The following SAMD12 variants were observed in gnomAD, a reference collection of about 807,000 sequenced individuals.
SAMD12 encodes sterile alpha motif domain containing 12.
In SAMD12, 9 loss-of-function variants were observed where a neutral mutation model predicts 15.0. The observed-to-expected ratio is 0.60, with a 90% CI of 0.36 to 1.05. The LOEUF is 1.05. Among genes scored for constraint, SAMD12 ranks in the 50% least tolerant of loss-of-function variants. The probability of loss-of-function intolerance (pLI) is 0.01; values close to 1 mark genes in which losing one functional copy is unlikely to be tolerated. For missense variants in SAMD12, 230 were observed against 234.2 expected, an observed-to-expected ratio of 0.98 and a Z score of 0.12; for synonymous variants, 86 against 90.1, an observed-to-expected ratio of 0.96 and a Z score of 0.25.
At chr8:118,250,664 T>A (rs528953516) in intron 4 of SAMD12, among the ~76,000 whole-genome samples, 2 of 152,038 alleles carry the variant, frequency 1.3e-5, no homozygotes, top group African/African-American at 4.8e-5. Flanking sequence ...TGGCTAAATT[T>A]TTTATTTATT....
chr8:118,527,890 CACTG>C (rs1314934923), intron 2 of SAMD12, among the ~76,000 whole-genome samples: 6 of 152,318 alleles, frequency 3.9e-5, no homozygotes, highest in African/African-American at 1.4e-4. Context: ...ATTTTCCTGA[CACTG>C]ACTGGTATAT....
chr8:118,201,021 C>T (rs895686567), intron 4 of SAMD12, among the ~76,000 whole-genome samples: 1 of 152,194 alleles, frequency 6.6e-6, no homozygotes, highest in Non-Finnish European at 1.5e-5. Flanking sequence ...ATCTTTCTAT[C>T]AATCACATCT....
intron 2 of SAMD12, among the ~76,000 whole-genome samples, chr8:118,472,886 G>GAAA (rs35896929): frequency 2.1e-4 from 31 of 147,270 alleles, no homozygotes; most frequent in African/African-American, 5.0e-4. Flanking sequence ...ATTTTGACAG[G>GAAA]AAAAAAAAAA....
chr8:118,416,658 G>A (rs189876153), intron 3 of SAMD12, among the ~76,000 whole-genome samples: 4 of 152,254 alleles, frequency 2.6e-5, no homozygotes, highest in South Asian at 2.1e-4. Context: ...TATTACTCAC[G>A]ATAACCAGCA....
chr8:118,214,292 T>C (rs1811904940), intron 4 of SAMD12, among the ~76,000 whole-genome samples: 1 of 152,244 alleles, frequency 6.6e-6, no homozygotes, highest in South Asian at 2.1e-4. Context: ...TTAACTACAA[T>C]GTCACTTTAG....
intron 2 of SAMD12, among the ~76,000 whole-genome samples, chr8:118,470,345 AG>A (rs1277338348): frequency 1.3e-5 from 2 of 151,758 alleles, no homozygotes; most frequent in Non-Finnish European, 1.5e-5. Flanking sequence ...TGGGTGGCTT[AG>A]GTATTAGGTT....
At chr8:118,213,512 G>T (rs1811887869) in intron 4 of SAMD12, among the ~76,000 whole-genome samples, 1 of 152,176 alleles carries the variant, frequency 6.6e-6, no homozygotes, top group African/African-American at 2.4e-5. Context: ...TCTTGGATGT[G>T]GATCCTCAGT....
intron 4 of SAMD12, among the ~76,000 whole-genome samples, chr8:118,210,257 G>A (rs947170762): frequency 2.6e-5 from 4 of 152,224 alleles, no homozygotes; most frequent in Non-Finnish European, 4.4e-5. Flanking sequence ...CAGCTTTGAA[G>A]TTGATATGAT....
At chr8:118,480,360 C>T (rs1489674490) in intron 2 of SAMD12, among the ~76,000 whole-genome samples, 3 of 152,196 alleles carry the variant, frequency 2.0e-5, no homozygotes, top group Non-Finnish European at 4.4e-5. Context: ...CCTGTACTAC[C>T]ATATCTCACA....
chr8:118,455,221 T>G (rs1165436653), intron 2 of SAMD12, among the ~76,000 whole-genome samples: 1 of 151,892 alleles, frequency 6.6e-6, no homozygotes, highest in Non-Finnish European at 1.5e-5. Context: ...TCTGACACAA[T>G]GGAACACACT....
At chr8:118,551,588 T>C (rs933435534) in intron 2 of SAMD12, among the ~76,000 whole-genome samples, 16 of 151,874 alleles carry the variant, frequency 1.1e-4, no homozygotes, top group African/African-American at 2.9e-4. Flanking sequence ...AGATCCAAAA[T>C]TGACACCCTA....
chr8:118,393,082 G>T (rs1820369635), intron 3 of SAMD12, among the ~76,000 whole-genome samples: 1 of 152,112 alleles, frequency 6.6e-6, no homozygotes, highest in Non-Finnish European at 1.5e-5. Flanking sequence ...TATATGTCAG[G>T]CTCTTTTCTA....
At chr8:118,362,653 G>C (rs1818566641) in intron 4 of SAMD12, among the ~76,000 whole-genome samples, 1 of 152,026 alleles carries the variant, frequency 6.6e-6, no homozygotes, top group Admixed American at 6.6e-5. Flanking sequence ...TTGGAAAGAG[G>C]GAGCCTTTAG....
chr8:118,233,973 C>G (rs976932875), intron 4 of SAMD12, among the ~76,000 whole-genome samples: 1 of 152,284 alleles, frequency 6.6e-6, no homozygotes, highest in East Asian at 1.9e-4. Flanking sequence ...CACAGTAGAG[C>G]TGCTCAAGTT....
At chr8:118,438,184 G>C (rs1224106449) in intron 3 of SAMD12, among the ~76,000 whole-genome samples, 2 of 152,160 alleles carry the variant, frequency 1.3e-5, no homozygotes, top group Non-Finnish European at 2.9e-5. Flanking sequence ...GAATTTCTGA[G>C]ATTTCATCCA....
At chr8:118,415,448 G>GGTGTGTGTGTGTGTGTGT (rs58176749) in intron 3 of SAMD12, among the ~76,000 whole-genome samples, 17 of 142,952 alleles carry the variant, frequency 1.2e-4, no homozygotes, top group South Asian at 4.8e-4. Flanking sequence ...CTTGTCCTAA[G>GGTGTGTGTGTGTGTGTGT]GTGTGTGTGT....
At chr8:118,226,545 T>A (rs977113041) in intron 4 of SAMD12, among the ~76,000 whole-genome samples, 4 of 152,172 alleles carry the variant, frequency 2.6e-5, no homozygotes, top group African/African-American at 9.7e-5. Flanking sequence ...TGACCACCCA[T>A]CCATCCATCC....
chr8:118,382,496 A>G (rs1188249612), intron 3 of SAMD12, among the ~76,000 whole-genome samples: 2 of 152,256 alleles, frequency 1.3e-5, no homozygotes, highest in African/African-American at 2.4e-5. Context: ...TAGCCCTACT[A>G]GAATGTTATT....
the SAMD12 span, among the ~76,000 whole-genome samples, chr8:118,163,003 T>C: frequency 2.6e-3 from 403 of 152,206 alleles, 5 homozygotes; most frequent in African/African-American, 9.4e-3. Context: ...CAAAACCTGA[T>C]TTTGAGGGGT....
Sources: allele counts gnomAD v4.1 joint callset (sites outside exome capture counted in the v4.1 genomes callset), GRCh38; gene constraint gnomAD v4.1.1; transcripts MANE v1.5; gene names NCBI Gene and HGNC (gene_info 2026-07-23, HGNC 2026-07-21).